Variants in MGRN1 observed in about 807,000 individuals in gnomAD.
The protein encoded by MGRN1 is E3 ubiquitin-protein ligase MGRN1.
Under a neutral mutation model 69.2 loss-of-function variants are expected in MGRN1, and 29 were observed. The observed-to-expected ratio is 0.42, with a 90% CI of 0.31 to 0.57. The LOEUF (loss-of-function observed/expected upper bound fraction) is 0.57. MGRN1 is among the 20% of genes least tolerant of loss of function. MGRN1 has a pLI of 0.15. For synonymous variants in MGRN1, 470 were observed against 344.2 expected (o/e 1.37, Z -4.04); for missense variants, 998 against 796.2 (o/e 1.25, Z -3.05).
intron 7 of MGRN1, among the ~76,000 whole-genome samples, chr16:4,667,349 G>T (rs1431045235): frequency 1.3e-5 from 2 of 152,154 alleles, no homozygotes; most frequent in African/African-American, 2.4e-5. Flanking sequence ...GTTCTCTCCC[G>T]GGTCCAGGAC....
intron 16 of MGRN1, 114 bp downstream of exon 16, chr16:4,684,046 G>A: frequency 2.1e-6 from 2 of 940,390 alleles, no homozygotes; most frequent in Non-Finnish European, 1.6e-6. Flanking sequence ...TTGGAGCCTG[G>A]TTCTCTCCCT....
intron 1 of MGRN1, chr16:4,649,954 C>A (rs888100092): frequency 6.1e-6 from 1 of 163,332 alleles, no homozygotes; most frequent in African/African-American, 2.4e-5. Context: ...TTCTCAGGGC[C>A]GAGCTTCTTG....
intron 4 of MGRN1, among the ~76,000 whole-genome samples, chr16:4,656,037 G>A (rs753078077): frequency 5.3e-5 from 8 of 152,180 alleles, no homozygotes; most frequent in Non-Finnish European, 8.8e-5. Flanking sequence ...GCCCCCCCAC[G>A]CCCCATCCCA....
chr16:4,687,707 C>T (rs1431453398), intron 16 of MGRN1: 20 of 985,314 alleles, frequency 2.0e-5, no homozygotes, highest in Non-Finnish European at 2.3e-5. Context: ...ACACAAGCTG[C>T]GTGCAGCTCT....
chr16:4,643,393 G>T (rs2078204841), intron 1 of MGRN1, among the ~76,000 whole-genome samples: 1 of 150,488 alleles, frequency 6.6e-6, no homozygotes, highest in South Asian at 2.1e-4. Flanking sequence ...ACTGTACCCG[G>T]CCTTGCTTGA....
intron 1 of MGRN1, among the ~76,000 whole-genome samples, chr16:4,647,322 C>T (rs1171905136): frequency 6.6e-6 from 1 of 152,190 alleles, no homozygotes; most frequent in Non-Finnish European, 1.5e-5. Flanking sequence ...GCACGGGGTG[C>T]CTTGTGGCCC....
At chr16:4,655,601 C>A (rs934557804) in intron 4 of MGRN1, among the ~76,000 whole-genome samples, 5 of 152,054 alleles carry the variant, frequency 3.3e-5, no homozygotes, top group African/African-American at 1.2e-4. Context: ...TGGTACGAGG[C>A]CTGCTTCCCC....
intron 1 of MGRN1, among the ~76,000 whole-genome samples, chr16:4,647,239 G>A (rs2078293788): frequency 6.6e-6 from 1 of 152,212 alleles, no homozygotes; most frequent in Admixed American, 6.5e-5. Flanking sequence ...GCCGGGCCCT[G>A]TCTCAGCCCT....
intron 9 of MGRN1, among the ~76,000 whole-genome samples, chr16:4,672,199 CA>C (rs1567222288): frequency 1.3e-5 from 2 of 152,052 alleles, no homozygotes; most frequent in African/African-American, 4.8e-5. Context: ...CCACCGCGCC[CA>C]GCCTAATTTT....
chr16:4,686,214 G>T, intron 16 of MGRN1: 3 of 1,537,286 alleles, frequency 2.0e-6, no homozygotes, highest in South Asian at 2.4e-5. Context: ...GCTGCTGCGC[G>T]CTTGCTAACC....
chr16:4,665,492 C>T (rs919808385), intron 7 of MGRN1, among the ~76,000 whole-genome samples: 32 of 151,710 alleles, frequency 2.1e-4, no homozygotes, highest in Non-Finnish European at 3.5e-4. Context: ...CCTCAACCTC[C>T]CGAGTACCTG....
chr16:4,664,601 T>G (rs533079516), intron 5 of MGRN1, 108 bp from the exon 6 acceptor site: 61 of 1,162,870 alleles, frequency 5.2e-5, no homozygotes, highest in Non-Finnish European at 6.1e-5. Context: ...TGAGCTCTGC[T>G]GCTGCCTCCT....
At chr16:4,652,197 G>T (rs912150123) in intron 3 of MGRN1, 146 bp downstream of exon 3, 5 of 734,304 alleles carry the variant, frequency 6.8e-6, no homozygotes, top group African/African-American at 3.5e-5. Context: ...GCTGTCCTGG[G>T]CTGAGCGAGG....
At chr16:4,672,612 T>C (rs555217985) in intron 9 of MGRN1, 10 of 370,850 alleles carry the variant, frequency 2.7e-5, no homozygotes, top group African/African-American at 2.1e-4. Context: ...TGGTCTCTGT[T>C]GCACTGACTC....
chr16:4,666,179 G>A (rs2078801855), intron 7 of MGRN1, among the ~76,000 whole-genome samples: 1 of 151,880 alleles, frequency 6.6e-6, no homozygotes, highest in African/African-American at 2.4e-5. Flanking sequence ...CCAGGCTAGA[G>A]GGCTGTGGTG....
chr16:4,679,092 C>G (rs1279275627), intron 11 of MGRN1, among the ~76,000 whole-genome samples: 1 of 152,216 alleles, frequency 6.6e-6, no homozygotes, highest in African/African-American at 2.4e-5. Flanking sequence ...GCTCCTGGCA[C>G]CACGCTCTCC....
At chr16:4,631,568 T>G (rs987805590) in intron 1 of MGRN1, among the ~76,000 whole-genome samples, 2 of 152,232 alleles carry the variant, frequency 1.3e-5, no homozygotes, top group Non-Finnish European at 2.9e-5. Context: ...AGAATATCCA[T>G]AGTGCTTAGA....
At position 4,689,767 on chromosome 16, in the gene MGRN1, CT is replaced by C. The variant is rs56053584; in HGVS notation, c.*874del. The stretch of plus-strand genomic sequence containing the variant: ...GAATGTCCCCTTGCAGTTCTCTTCT[CT>C]TTTTTTTTTTTTTTGAGATGGAGTT... On this transcript the variant is annotated 3_prime_UTR_variant, in exon 17 of 17. Transcript: ENST00000262370. 0.45 allele frequency: 63,566 copies of C among 141,220 alleles called. 13,797 individuals are homozygous for C. Among genetic ancestry groups the C allele is most frequent in the East Asian group, 0.52 (2,511 of 4,790 alleles). 8.7% of individuals were successfully genotyped at this position (141,220 alleles called of 1,614,324 possible).
intron 4 of MGRN1, among the ~76,000 whole-genome samples, chr16:4,655,552 G>C (rs930516938): frequency 2.0e-5 from 3 of 152,038 alleles, no homozygotes; most frequent in Non-Finnish European, 1.5e-5. Context: ...TCACAGAGCA[G>C]GAACAGCTCC....
Sources: allele counts gnomAD v4.1 joint callset (sites outside exome capture counted in the v4.1 genomes callset), GRCh38; gene constraint gnomAD v4.1.1; transcripts MANE v1.5; gene names NCBI Gene and HGNC (gene_info 2026-07-23, HGNC 2026-07-21).